The following ADAMTS6 variants were observed in gnomAD, a reference collection of about 807,000 sequenced individuals.
ADAMTS6 encodes A disintegrin and metalloproteinase with thrombospondin motifs 6.
A neutral mutation model predicts 144.3 loss-of-function variants in ADAMTS6; 23 were observed. The observed-to-expected ratio is 0.16, with a 90% confidence interval of 0.11 to 0.23. The LOEUF (loss-of-function observed/expected upper bound fraction) is 0.23. Among genes scored for constraint, ADAMTS6 ranks in the 10% least tolerant of loss-of-function variants. The probability of loss-of-function intolerance (pLI) is 1.00; values close to 1 mark genes in which losing one functional copy is unlikely to be tolerated. For missense variants in ADAMTS6, 999 were observed against 1,379.6 expected (o/e 0.72, Z 4.37); for synonymous variants, 444 against 457.5 (o/e 0.97, Z 0.38).
At position 65,409,884 on chromosome 5, in the gene ADAMTS6, C is replaced by G. The variant is rs146319657; in HGVS notation, c.1073+41591G>C. Among the ~76,000 whole-genome samples the G allele has an allele frequency of 2.0e-3, 311 of 152,202 alleles. 5 individuals carry two copies. In the East Asian group the frequency reaches 0.035, roughly 17 times the overall value. ...ACGTAATCCATCATATAAACAGAAC[C>G]AAAGACAAAAACTACATGATTATCT... On this transcript the variant is annotated intron_variant, in intron 7 of 24. Transcript: ENST00000381055.
chr5:65,453,104 A>AAAAATTAAACATTC (rs1758880133), intron 4 of ADAMTS6, among the ~76,000 whole-genome samples, 186 bp from the exon 5 acceptor site: 1 of 151,986 alleles, frequency 6.6e-6, no homozygotes, highest in Non-Finnish European at 1.5e-5. Context: ...GTTATCTGAA[A>AAAAATTAAACATTC]AAATTAAACA....
At chr5:65,345,959 G>T (rs1748280657) in intron 7 of ADAMTS6, among the ~76,000 whole-genome samples, 1 of 151,740 alleles carries the variant, frequency 6.6e-6, no homozygotes, top group Non-Finnish European at 1.5e-5. Context: ...AAACTCAATT[G>T]TCCCCAAAAT....
chr5:65,437,310 G>C (rs186032330), intron 7 of ADAMTS6, among the ~76,000 whole-genome samples: 1 of 152,014 alleles, frequency 6.6e-6, no homozygotes, highest in Non-Finnish European at 1.5e-5. Context: ...TAGCTAGGAT[G>C]GTCTCGATAT....
chr5:65,307,172 T>C (rs1744016786), intron 9 of ADAMTS6, among the ~76,000 whole-genome samples: 1 of 152,242 alleles, frequency 6.6e-6, no homozygotes. Context: ...CTGGATCCTA[T>C]GTTACAAGTA....
chr5:65,213,594 C>G (rs957668019), intron 20 of ADAMTS6, among the ~76,000 whole-genome samples: 1 of 151,134 alleles, frequency 6.6e-6, no homozygotes, highest in African/African-American at 2.4e-5. Flanking sequence ...ATGATCGTGT[C>G]ACTGCACTCC....
chr5:65,355,492 G>T (rs1426024197), intron 7 of ADAMTS6, among the ~76,000 whole-genome samples: 1 of 151,806 alleles, frequency 6.6e-6, no homozygotes, highest in Non-Finnish European at 1.5e-5. Context: ...TGAAACAAGA[G>T]AAATACATTT....
At chr5:65,306,455 A>C (rs1178904646) in intron 9 of ADAMTS6, among the ~76,000 whole-genome samples, 1 of 152,158 alleles carries the variant, frequency 6.6e-6, no homozygotes, top group East Asian at 1.9e-4. Flanking sequence ...AATCAGTGCA[A>C]ATATCAATAT....
chr5:65,408,022 G>T (rs1163102732), intron 7 of ADAMTS6, among the ~76,000 whole-genome samples: 1 of 152,040 alleles, frequency 6.6e-6, no homozygotes, highest in African/African-American at 2.4e-5. Context: ...AGGAACAACT[G>T]GTACCAGCCA....
At chr5:65,226,271 A>G in intron 15 of ADAMTS6, 52 bp from the exon 16 acceptor site, 2 of 1,584,432 alleles carry the variant, frequency 1.3e-6, no homozygotes, top group Non-Finnish European at 1.7e-6. Context: ...CCTAATGAAC[A>G]GTGATTCAGT....
chr5:65,449,229 AAAT>A (rs1168377795), intron 7 of ADAMTS6, among the ~76,000 whole-genome samples: 19 of 152,352 alleles, frequency 1.2e-4, no homozygotes, highest in African/African-American at 4.6e-4. Context: ...AGCCAATCTA[AAAT>A]AATATGATAT....
At chr5:65,196,632 CTTTTTT>C (rs924608655) in intron 21 of ADAMTS6, among the ~76,000 whole-genome samples, 1 of 139,162 alleles carries the variant, frequency 7.2e-6, no homozygotes. Context: ...ACATCTAAGA[CTTTTTT>C]TTTATGTGCC....
chr5:65,246,191 C>G (rs535810175), intron 14 of ADAMTS6, among the ~76,000 whole-genome samples: 1 of 152,270 alleles, frequency 6.6e-6, no homozygotes, highest in East Asian at 1.9e-4. Flanking sequence ...ACCTGCTGTC[C>G]TATAACCCAA....
At chr5:65,196,556 G>A (rs7733210) in intron 21 of ADAMTS6, among the ~76,000 whole-genome samples, 12,820 of 105,096 alleles carry the variant, frequency 0.12, 1,038 homozygotes, top group Non-Finnish European at 0.16. Context: ...AAAAAAAGAG[G>A]TCTTTAGATC....
rs932479395 is a variant in ADAMTS6, at chr5:65,355,311, T to C, written c.1074-21226A>G. ...GACAAGAAGTGCAAGATTCAATAGC[T>C]CAGAATGATCCTCCAAATAACAAAT... is the stretch of plus-strand genomic sequence containing the variant. On this transcript the variant is annotated intron_variant, in intron 7 of 24. Coordinates refer to ENST00000381055, the MANE Select transcript of ADAMTS6 (RefSeq NM_197941.4). Among the ~76,000 whole-genome samples, 8 of 151,784 alleles carry C rather than the reference T, an allele frequency of 5.3e-5. 1 individual carries two copies. The highest frequency in any genetic ancestry group is 2.0e-4 in the Admixed American group (3 of 15,212).
intron 7 of ADAMTS6, among the ~76,000 whole-genome samples, chr5:65,373,452 A>C (rs945515706): frequency 6.6e-5 from 10 of 150,888 alleles, no homozygotes; most frequent in African/African-American, 2.4e-4. Flanking sequence ...CAGAAATACA[A>C]ACTACCATCA....
chr5:65,226,142 C>T lies in ADAMTS6; in HGVS notation c.2011G>A (p.Asp671Asn), dbSNP rs1757704908. ...GAATCCGCATTGCACTGGGTCCCAT[C>T]GATCACCGCAGGAGCACGTTCAGTG... ...FYTERAPAVI[D>N]GTQCNADSLD... Residue 671 changes from aspartate to asparagine, a missense_variant, in exon 16 of 25, where the codon GAT becomes AAT. Coordinates refer to ENST00000381055, the MANE Select transcript of ADAMTS6 (RefSeq NM_197941.4). The T allele has an allele frequency of 1.9e-6, 3 of 1,613,802 alleles. No homozygotes were observed. Among genetic ancestry groups the T allele is most frequent in the South Asian group, 1.1e-5 (1 of 91,036 alleles).
chr5:65,302,197 A>G (rs1743482340), intron 9 of ADAMTS6, among the ~76,000 whole-genome samples: 1 of 144,026 alleles, frequency 6.9e-6, no homozygotes, highest in African/African-American at 2.5e-5. Flanking sequence ...ATATATTTAT[A>G]TGATATTATA....
intron 7 of ADAMTS6, among the ~76,000 whole-genome samples, chr5:65,441,832 CAAAA>C (rs34446676): frequency 7.0e-5 from 7 of 100,628 alleles, no homozygotes; most frequent in Admixed American, 1.2e-4. Context: ...AGCCATGGGT[CAAAA>C]AAAAAAAAAA....
At chr5:65,302,339 C>T (rs1743515887) in intron 9 of ADAMTS6, among the ~76,000 whole-genome samples, 1 of 141,832 alleles carries the variant, frequency 7.1e-6, no homozygotes, top group East Asian at 2.0e-4. Flanking sequence ...ATATTATATA[C>T]ATATAATATG....
Sources: allele counts gnomAD v4.1 joint callset (sites outside exome capture counted in the v4.1 genomes callset), GRCh38; gene constraint gnomAD v4.1.1; transcripts MANE v1.5; gene names NCBI Gene and HGNC (gene_info 2026-07-23, HGNC 2026-07-21).